VPS13B: variants seen among roughly 807,000 people sequenced by gnomAD.
VPS13B encodes vacuolar protein sorting 13 homolog B.
Under a neutral mutation model 426.4 loss-of-function variants are expected in VPS13B, and 285 were observed. That is an observed-to-expected ratio of 0.67 (90% CI 0.61 to 0.74). The LOEUF (loss-of-function observed/expected upper bound fraction) is 0.74, where lower values mean the gene tolerates loss of function less well. Among genes scored for constraint, VPS13B ranks in the 30% least tolerant of loss-of-function variants. The pLI, the probability that VPS13B is intolerant of heterozygous loss-of-function variation, is 0.00. For missense variants in VPS13B, 4,537 were observed against 4,782.6 expected (o/e 0.95, Z 1.51); for synonymous variants, 1,676 against 1,676.4 (o/e 1.00, Z 0.01).
Position 99,848,863 on chromosome 8 carries a change from A to G in VPS13B, c.10030A>G (p.Lys3344Glu), listed in dbSNP as rs764622697. The change falls in exon 55 of 62, where the codon AAA becomes GAA. Residue 3344 changes from lysine to glutamate, a missense_variant. By Grantham distance (56) the Lys-to-Glu change is moderately conservative. Coordinates refer to ENST00000357162, the MANE Select transcript of VPS13B (RefSeq NM_152564.5). Reference protein sequence around the residue: ...TVFITVAPEGKAGPILTNTNR... With the variant: ...TVFITVAPEGEAGPILTNTNR... ...CTTCATCACTGTGGCCCCAGAAGGAAAAGCAGGACCTATTTTAACCAATAC... is the reference window on the plus strand; with the variant it reads ...CTTCATCACTGTGGCCCCAGAAGGAGAAGCAGGACCTATTTTAACCAATAC... 5 of 1,614,084 alleles carry G rather than the reference A, an allele frequency of 3.1e-6. No homozygotes were observed. The highest frequency in any genetic ancestry group is 3.3e-5 in the Admixed American group (2 of 60,006).
At chr8:99,676,034 A>T (rs1006102021) in intron 35 of VPS13B, among the ~76,000 whole-genome samples, 1 of 152,068 alleles carries the variant, frequency 6.6e-6, no homozygotes, top group Admixed American at 6.6e-5. Flanking sequence ...TCATGCATCA[A>T]TGTCTGGATA....
At chr8:99,278,258 C>T (rs957796384) in intron 19 of VPS13B, among the ~76,000 whole-genome samples, 2 of 151,956 alleles carry the variant, frequency 1.3e-5, no homozygotes, top group Non-Finnish European at 2.9e-5. Flanking sequence ...GCAGATGTTA[C>T]GTAAAAGTCA....
intron 35 of VPS13B, among the ~76,000 whole-genome samples, chr8:99,690,283 A>C (rs143659881): frequency 6.6e-6 from 1 of 152,352 alleles, no homozygotes; most frequent in East Asian, 1.9e-4. Flanking sequence ...TACCTCATAC[A>C]GTATACACAC....
chr8:99,078,847 T>C (rs1445836055), intron 3 of VPS13B, among the ~76,000 whole-genome samples: 1 of 151,808 alleles, frequency 6.6e-6, no homozygotes, highest in Non-Finnish European at 1.5e-5. Context: ...TGAGTGCTGG[T>C]GATAGTGGCA....
At chr8:99,419,399 AAACAGACT>A (rs1588354714) in intron 21 of VPS13B, among the ~76,000 whole-genome samples, 1 of 152,176 alleles carries the variant, frequency 6.6e-6, no homozygotes, top group East Asian at 1.9e-4. Flanking sequence ...AGCAGTGTGA[AAACAGACT>A]AACACAATTT....
At chr8:99,270,573 G>A (rs1048960185) in intron 17 of VPS13B, among the ~76,000 whole-genome samples, 26 of 152,058 alleles carry the variant, frequency 1.7e-4, no homozygotes, top group East Asian at 3.8e-4. Context: ...AAAAGAAGCC[G>A]TGTTATAAAA....
At chr8:99,192,252 A>G (rs560347428) in intron 16 of VPS13B, among the ~76,000 whole-genome samples, 1 of 152,306 alleles carries the variant, frequency 6.6e-6, no homozygotes, top group East Asian at 1.9e-4. Context: ...AGAAATTTTA[A>G]AAATAATTTT....
intron 2 of VPS13B, among the ~76,000 whole-genome samples, chr8:99,020,549 AATC>A (rs1372424542): frequency 6.6e-6 from 1 of 152,206 alleles, no homozygotes; most frequent in African/African-American, 2.4e-5. Context: ...ATATCCAAGA[AATC>A]ATTGTCAAAT....
chr8:99,293,345 G>A (rs1305753111), intron 19 of VPS13B, among the ~76,000 whole-genome samples: 5 of 112,136 alleles, frequency 4.5e-5, no homozygotes, highest in African/African-American at 1.0e-4. Context: ...CCATATGTAG[G>A]AAGCTGAAAC....
intron 17 of VPS13B, among the ~76,000 whole-genome samples, chr8:99,221,191 T>A (rs1815699698): frequency 7.1e-6 from 1 of 140,134 alleles, no homozygotes; most frequent in South Asian, 2.5e-4. Context: ...TCTATCATTG[T>A]TGGACATTTG....
chr8:99,112,458 T>C (rs909155298), intron 6 of VPS13B, among the ~76,000 whole-genome samples: 1 of 152,200 alleles, frequency 6.6e-6, no homozygotes, highest in Non-Finnish European at 1.5e-5. Flanking sequence ...TCTACATGTT[T>C]TTTTCTTGGT....
intron 50 of VPS13B, 137 bp downstream of exon 50, chr8:99,821,619 TC>T (rs1814374030): frequency 9.5e-7 from 1 of 1,053,860 alleles, no homozygotes; most frequent in East Asian, 2.6e-5. Context: ...ACATTTGATT[TC>T]TTAACTTCTT....
intron 25 of VPS13B, among the ~76,000 whole-genome samples, chr8:99,490,380 T>G (rs749230331): frequency 2.6e-5 from 4 of 152,204 alleles, no homozygotes; most frequent in Non-Finnish European, 5.9e-5. Context: ...GTTGTGTCTC[T>G]GCCAGGCTTT....
At chr8:99,444,209 C>T (rs1438586537) in intron 23 of VPS13B, among the ~76,000 whole-genome samples, 2 of 152,156 alleles carry the variant, frequency 1.3e-5, no homozygotes, top group East Asian at 3.9e-4. Flanking sequence ...AACAATTCTC[C>T]TGCCTCAGCC....
chr8:99,623,398 A>C (rs540759316), intron 33 of VPS13B, among the ~76,000 whole-genome samples: 19 of 152,246 alleles, frequency 1.2e-4, no homozygotes, highest in African/African-American at 4.6e-4. Context: ...AACATACTGC[A>C]TATTATTTAC....
intron 28 of VPS13B, among the ~76,000 whole-genome samples, chr8:99,509,558 T>G (rs1473881265): frequency 1.3e-5 from 2 of 152,182 alleles, no homozygotes; most frequent in Non-Finnish European, 2.9e-5. Context: ...GGCAACAAAA[T>G]GAGAGGAAGA....
At chr8:99,311,896 G>C (rs576641356) in intron 19 of VPS13B, among the ~76,000 whole-genome samples, 47 of 152,276 alleles carry the variant, frequency 3.1e-4, no homozygotes, top group African/African-American at 1.1e-3. Context: ...TGCTCTTCTT[G>C]TTGAATTGAT....
chr8:99,274,802 A>G (rs1377176068), intron 18 of VPS13B, among the ~76,000 whole-genome samples: 1 of 152,126 alleles, frequency 6.6e-6, no homozygotes, highest in Non-Finnish European at 1.5e-5. Flanking sequence ...AGGTAAGTTT[A>G]TAAAAGTCCA....
At position 99,110,982 on chromosome 8, in the gene VPS13B, C is replaced by T. The variant is rs1847330779; in HGVS notation, c.581-116C>T. The T allele has an allele frequency of 7.8e-6, 6 of 768,972 alleles. No homozygotes were observed. The East Asian group carries it at 1.8e-4, about 23-fold the overall frequency. The allele number at this position is 768,972 out of a possible 1,614,324, so 47.6% of individuals were successfully genotyped here. A position where few individuals can be genotyped will look rare whatever the true frequency, so the allele number is the denominator to read the frequency against. On this transcript the variant is annotated intron_variant, in intron 5 of 61. Coordinates refer to ENST00000357162, the MANE Select transcript of VPS13B (RefSeq NM_152564.5). ...GGTCTGGCATTATGTATTAAATGCT[C>T]CATGAATCTTATTTTCTGTTATTAT...
Sources: gnomAD v4.1 joint callset for allele counts (sites outside exome capture counted in the v4.1 genomes callset) on GRCh38, gnomAD v4.1.1 for gene constraint, MANE v1.5 for transcripts, NCBI Gene and HGNC (gene_info 2026-07-23, HGNC 2026-07-21) for gene names.